The following COL28A1 variants were observed in gnomAD, a reference collection of about 807,000 sequenced individuals.
The protein encoded by COL28A1 is collagen type XXVIII alpha 1 chain.
COL28A1 carries 161 observed loss-of-function variants against 150.2 expected under a neutral mutation model. The observed-to-expected ratio is 1.07, with a 90% CI of 0.94 to 1.22. The LOEUF (loss-of-function observed/expected upper bound fraction) is 1.22. COL28A1 is among the 50% of genes most tolerant of loss of function. The pLI, the probability that COL28A1 is intolerant of heterozygous loss-of-function variation, is 0.00. For synonymous variants in COL28A1, 552 were observed against 469.7 expected, an observed-to-expected ratio of 1.18 and a Z score of -2.26; for missense variants, 1,617 against 1,388.3, an observed-to-expected ratio of 1.16 and a Z score of -2.62.
At chr7:7,496,050 C>G (rs1206164616) in intron 11 of COL28A1, among the ~76,000 whole-genome samples, 3 of 152,112 alleles carry the variant, frequency 2.0e-5, no homozygotes, top group Non-Finnish European at 4.4e-5. Flanking sequence ...ATGCTCTTAC[C>G]TTTCTCTTTC....
intron 11 of COL28A1, among the ~76,000 whole-genome samples, chr7:7,501,112 A>G (rs1231306711): frequency 6.6e-6 from 1 of 152,254 alleles, no homozygotes; most frequent in Non-Finnish European, 1.5e-5. Flanking sequence ...TAAATTGAAC[A>G]TAAAGTAAGA....
intron 30 of COL28A1, among the ~76,000 whole-genome samples, chr7:7,376,162 G>A (rs1431642068): frequency 1.3e-5 from 2 of 152,092 alleles, no homozygotes; most frequent in Non-Finnish European, 2.9e-5. Flanking sequence ...CCTTCCCTGT[G>A]CAGTGTGTTT....
intron 9 of COL28A1, among the ~76,000 whole-genome samples, chr7:7,510,310 G>A (rs1287340679): frequency 6.6e-6 from 1 of 151,570 alleles, no homozygotes; most frequent in African/African-American, 2.4e-5. Context: ...TTTTTGAGAC[G>A]GAGTCACTCT....
intron 8 of COL28A1, among the ~76,000 whole-genome samples, chr7:7,514,211 A>G (rs1174271276): frequency 6.6e-6 from 1 of 152,224 alleles, no homozygotes; most frequent in Non-Finnish European, 1.5e-5. Flanking sequence ...AACTATACAC[A>G]CAGTTGATAA....
intron 3 of COL28A1, among the ~76,000 whole-genome samples, chr7:7,526,591 T>G (rs1164178397): frequency 6.6e-6 from 1 of 152,200 alleles, no homozygotes; most frequent in Non-Finnish European, 1.5e-5. Flanking sequence ...AAAGAAAAAT[T>G]TAAATATTTG....
chr7:7,365,808 C>G (rs1780905740), intron 33 of COL28A1, among the ~76,000 whole-genome samples: 1 of 152,202 alleles, frequency 6.6e-6, no homozygotes, highest in Non-Finnish European at 1.5e-5. Context: ...GCTCCACAGC[C>G]AGCATCTTCA....
chr7:7,359,783 C>T (rs1780546859), intron 34 of COL28A1, among the ~76,000 whole-genome samples: 1 of 152,034 alleles, frequency 6.6e-6, no homozygotes, highest in South Asian at 2.1e-4. Context: ...CTCCCTAGAC[C>T]AAATGGAAAT....
At chr7:7,496,677 C>A (rs1387650857) in intron 11 of COL28A1, among the ~76,000 whole-genome samples, 1 of 152,084 alleles carries the variant, frequency 6.6e-6, no homozygotes, top group African/African-American at 2.4e-5. Flanking sequence ...TTCTCTAAGA[C>A]AATACATAAC....
Position 7,524,232 on chromosome 7 carries a change from CT to C in COL28A1, c.698del (p.Lys233ArgfsTer73). The C allele has an allele frequency of 7.4e-7, 1 of 1,348,416 alleles. No homozygotes were observed. The highest frequency in any genetic ancestry group is 1.1e-6 in the Non-Finnish European group (1 of 937,748). 83.5% of individuals were successfully genotyped at this position (1,348,416 alleles called of 1,614,324 possible). On this transcript the variant is annotated frameshift_variant, in exon 4 of 35. Transcript: ENST00000399429. LOFTEE classifies it high-confidence loss of function. ...AATCAAAGCATGTGGTGCTTACCTTCTTTTCAAATAAGATATCCTACAAGGG... is the reference window on the plus strand; with the variant it reads ...AATCAAAGCATGTGGTGCTTACCTTCTTTCAAATAAGATATCCTACAAGGG... ...IQDRLDILFE[K>X]KCERKICECE...
At chr7:7,491,158 T>G (rs910057431) in intron 11 of COL28A1, among the ~76,000 whole-genome samples, 5 of 152,146 alleles carry the variant, frequency 3.3e-5, no homozygotes, top group Admixed American at 2.6e-4. Flanking sequence ...AAACCCCCAA[T>G]TGAGTCAGTC....
In COL28A1 at chr7:7,531,668, C is replaced by G; in HGVS notation, c.361G>C (p.Val121Leu). ...WKDLQTFKQK[V>L]KSMNLIGQGT... ...TGCCCTATTAAATTCATAGACTTGA[C>G]CTTCTGCTTAAATGTCTGCAGGTCC... Residue 121 changes from valine (V) to leucine (L), a missense_variant, in exon 3 of 35, where the codon GTC (valine) becomes CTC (leucine). Transcript: ENST00000399429. 6.3e-7 allele frequency: 1 copy of G among 1,596,706 alleles called. No homozygotes were observed.
intron 16 of COL28A1, among the ~76,000 whole-genome samples, chr7:7,454,805 T>C (rs1787013086): frequency 6.6e-6 from 1 of 152,234 alleles, no homozygotes; most frequent in Admixed American, 6.5e-5. Context: ...ACTAAAAGGC[T>C]TGAGAATGTC....
In COL28A1 at chr7:7,440,856, G is replaced by T; in HGVS notation, c.1656C>A (p.Asp552Glu). The T allele has an allele frequency of 2.0e-6, 3 of 1,488,926 alleles. No homozygotes were observed. Among genetic ancestry groups the T allele is most frequent in the Non-Finnish European group, 1.9e-6 (2 of 1,066,934 alleles). The allele number at this position is 1,488,926 out of a possible 1,614,324, so 92.2% of individuals were successfully genotyped here. A position where few individuals can be genotyped will look rare whatever the true frequency, so the allele number is the denominator to read the frequency against. The change falls in exon 21 of 35, where the codon GAC becomes GAA. Residue 552 changes from aspartate to glutamate, a missense_variant. Coordinates refer to ENST00000399429, the MANE Select transcript of COL28A1 (RefSeq NM_001037763.3). Reference sequence around the variant, plus strand: ...TTCCTTTGCTCCCTTTCTTGCCTTCGTCACCCTAACAAAATAATTATGAAA... The same window carrying T: ...TTCCTTTGCTCCCTTTCTTGCCTTCTTCACCCTAACAAAATAATTATGAAA... ...PGKGQPGPKGDEGKKGSKGNQ... is the reference protein window; with the variant it reads ...PGKGQPGPKGEEGKKGSKGNQ...
At chr7:7,339,688 A>C in the COL28A1 span, among the ~76,000 whole-genome samples, 1 of 152,212 alleles carries the variant, frequency 6.6e-6, no homozygotes, top group East Asian at 1.9e-4. Context: ...CTATTAAAAA[A>C]GAAAAAAGGC....
chr7:7,518,926 T>C (rs1781561275), intron 6 of COL28A1, among the ~76,000 whole-genome samples: 1 of 152,230 alleles, frequency 6.6e-6, no homozygotes, highest in Non-Finnish European at 1.5e-5. Flanking sequence ...ACTAGTTTTG[T>C]TTCCTCTCTT....
At chr7:7,537,992 G>C (rs541247827), upstream of COL28A1, among the ~76,000 whole-genome samples, 2 of 152,284 alleles carry the variant, frequency 1.3e-5, no homozygotes, top group African/African-American at 4.8e-5. Context: ...CTGCCTTGGA[G>C]CTGTTTTGAT....
chr7:7,364,368 G>A lies in COL28A1; in HGVS notation c.3067-3840C>T, dbSNP rs987521508. On this transcript the variant is annotated intron_variant, in intron 33 of 34. Transcript: ENST00000399429. Reference sequence around the variant, plus strand: ...CCTCAGAAAATCAGGGTAATGACTCGAGAGGAGTCTAGACCCTTACTTAGC... The same window carrying A: ...CCTCAGAAAATCAGGGTAATGACTCAAGAGGAGTCTAGACCCTTACTTAGC... Among the ~76,000 whole-genome samples, 16 of 152,156 alleles carry A rather than the reference G, an allele frequency of 1.1e-4. 1 individual carries two copies. The highest frequency in any genetic ancestry group is 7.2e-4 in the Admixed American group (11 of 15,272).
At chr7:7,482,778 A>C (rs1233128359) in intron 13 of COL28A1, among the ~76,000 whole-genome samples, 3 of 152,220 alleles carry the variant, frequency 2.0e-5, no homozygotes, top group Non-Finnish European at 4.4e-5. Flanking sequence ...TGAATTTTAA[A>C]GGCATGGAAG....
chr7:7,465,488 A>C (rs1788010650), intron 15 of COL28A1, among the ~76,000 whole-genome samples: 1 of 139,870 alleles, frequency 7.1e-6, no homozygotes, highest in Admixed American at 7.3e-5. Context: ...CTAGCACAGC[A>C]GTCTGAGATC....
Sources: allele counts gnomAD v4.1 joint callset (sites outside exome capture counted in the v4.1 genomes callset), GRCh38; gene constraint gnomAD v4.1.1; transcripts MANE v1.5; gene names NCBI Gene and HGNC (gene_info 2026-07-23, HGNC 2026-07-21).